Variants in LAMC3 observed in about 807,000 individuals in gnomAD.
LAMC3 encodes laminin subunit gamma-3.
LAMC3 carries 128 observed loss-of-function variants against 173.8 expected under a neutral mutation model. The ratio of observed to expected loss-of-function variants is 0.74; its 90% CI spans 0.64 to 0.85. LAMC3 has a LOEUF of 0.85. Ranked by LOEUF, LAMC3 falls within the 40% of genes least tolerant of loss-of-function variation. The pLI is 0.00. For missense variants in LAMC3, 2,022 were observed against 2,156.0 expected, an observed-to-expected ratio of 0.94 and a Z score of 1.23; for synonymous variants, 897 against 909.1, an observed-to-expected ratio of 0.99 and a Z score of 0.24.
chr9:131,049,432 G>C (rs1162704612), intron 9 of LAMC3, among the ~76,000 whole-genome samples: 1 of 151,982 alleles, frequency 6.6e-6, no homozygotes, highest in Non-Finnish European at 1.5e-5. Flanking sequence ...CCCATCACTG[G>C]CACCAACTCC....
rs887537515 is a variant in LAMC3 at position 131,038,043 on chromosome 9, G to A, written c.977-821G>A. On this transcript the variant is annotated intron_variant, in intron 4 of 27. Coordinates refer to ENST00000361069, the MANE Select transcript of LAMC3 (RefSeq NM_006059.4). ...ATGGCACACCCGCACCAGGCCACGC[G>A]TCTGTCTCTGCATGTGGGGTATCCC... 2.6e-5 allele frequency among the ~76,000 whole-genome samples: 4 copies of A among 152,118 alleles called. No homozygotes were observed. In the East Asian group the frequency reaches 5.8e-4, roughly 22 times the overall value.
In LAMC3 at chr9:131,056,912, C is replaced by T; in HGVS notation, c.1940-17C>T. The T allele has an allele frequency of 6.2e-7, 1 of 1,605,332 alleles. No individual in the cohort carries two copies. Among genetic ancestry groups the T allele is most frequent in the South Asian group, 1.1e-5 (1 of 90,982 alleles). On this transcript the variant is annotated splice_polypyrimidine_tract_variant and intron_variant, in intron 11 of 27. Transcript: ENST00000361069. ...GCTTGTGCCTCCTCTCTTCCTCTCT[C>T]CCTTCTCGCTCTGCAGGTCCAGTGT...
chr9:131,030,545 A>C (rs184129438), intron 2 of LAMC3, among the ~76,000 whole-genome samples: 1 of 152,322 alleles, frequency 6.6e-6, no homozygotes, highest in East Asian at 1.9e-4. Flanking sequence ...TCTGCCATGC[A>C]CTGGCTGTGC....
intron 1 of LAMC3, among the ~76,000 whole-genome samples, chr9:131,018,746 A>G (rs1464529674): frequency 6.6e-6 from 1 of 152,076 alleles, no homozygotes; most frequent in Non-Finnish European, 1.5e-5. Context: ...ACATGCCCCA[A>G]ACTTACTTCT....
chr9:131,023,922 CTT>C (rs1308457680), intron 1 of LAMC3, among the ~76,000 whole-genome samples: 1 of 152,048 alleles, frequency 6.6e-6, no homozygotes, highest in Non-Finnish European at 1.5e-5. Flanking sequence ...GGATAAGTCT[CTT>C]ATCAGATATA....
intron 2 of LAMC3, among the ~76,000 whole-genome samples, chr9:131,030,790 C>T (rs776458023): frequency 6.6e-6 from 1 of 152,230 alleles, no homozygotes; most frequent in Non-Finnish European, 1.5e-5. Context: ...TGCGGGACTT[C>T]CCCACCCCAG....
intron 8 of LAMC3, among the ~76,000 whole-genome samples, chr9:131,046,892 C>G (rs936569378): frequency 5.9e-5 from 9 of 152,252 alleles, no homozygotes; most frequent in African/African-American, 2.2e-4. Flanking sequence ...CGGCCCCAGA[C>G]ATGAGGGCCG....
chr9:131,063,994 A>T (rs1469324322), intron 13 of LAMC3, among the ~76,000 whole-genome samples: 2 of 151,486 alleles, frequency 1.3e-5, no homozygotes, highest in African/African-American at 4.9e-5. Flanking sequence ...TGCAACCTCC[A>T]CCTCCCAGGT....
rs114642408 is a variant in LAMC3 at position 131,055,984 on chromosome 9, C to T, written c.1940-945C>T. Among the ~76,000 whole-genome samples, 1,174 of 151,952 alleles carry T rather than the reference C, an allele frequency of 7.7e-3. 15 individuals are homozygous for T. The highest frequency in any genetic ancestry group is 0.027 in the African/African-American group (1,120 of 41,452). On this transcript the variant is annotated intron_variant, in intron 11 of 27. Transcript: ENST00000361069. ...AGGCTGAGACAGGAGTCCTTGAGGCCAGGAGTTCAAAACCAGCCTGGACAA... is the reference window on the plus strand; with the variant it reads ...AGGCTGAGACAGGAGTCCTTGAGGCTAGGAGTTCAAAACCAGCCTGGACAA...
In LAMC3 at chr9:131,049,915, C is replaced by G. The variant is rs1367887303; in HGVS notation, c.1630+785C>G. Among the ~76,000 whole-genome samples the G allele has an allele frequency of 3.9e-5, 6 of 152,222 alleles. No homozygotes were observed. The East Asian group carries it at 1.2e-3, about 29-fold the overall frequency. On this transcript the variant is annotated intron_variant, in intron 9 of 27. Coordinates refer to ENST00000361069, the MANE Select transcript of LAMC3 (RefSeq NM_006059.4). ...CCAGAACCCAGAGCCTAGAGCCCAT[C>G]TTTAGCCCCACTGTGGCTGATTCAG...
rs1469806562 is a variant in LAMC3 at position 131,029,888 on chromosome 9, A to G, written c.679-2157A>G. On this transcript the variant is annotated intron_variant, in intron 2 of 27. Coordinates refer to ENST00000361069, the MANE Select transcript of LAMC3 (RefSeq NM_006059.4). This position sits in a 1 kb window ranked among gnomAD's most constrained non-coding sequence, Gnocchi z 4.6. ...CTAAAATCAACTCCAGCACCCACTC[A>G]TAGCTTAAGCTGGAGTTCCAGTGCC... Among the ~76,000 whole-genome samples the G allele has an allele frequency of 1.3e-5, 2 of 151,724 alleles. No homozygotes were observed. The highest frequency in any genetic ancestry group is 4.8e-5 in the African/African-American group (2 of 41,238).
In LAMC3 at chr9:131,037,944, G is replaced by A. The variant is rs149450500; in HGVS notation, c.977-920G>A. ...AGCCTCTGACTTCACAACTGCCCCT[G>A]CACTGCAGGCCCCCCACTGCACAAA... On this transcript the variant is annotated intron_variant, in intron 4 of 27. Transcript: ENST00000361069. Among the ~76,000 whole-genome samples, 624 of 152,334 alleles carry A rather than the reference G, an allele frequency of 4.1e-3. 3 individuals are homozygous for A. The highest frequency in any genetic ancestry group is 6.0e-3 in the Non-Finnish European group (407 of 68,030).
At chr9:131,045,405 T>C in intron 7 of LAMC3, 119 bp from the exon 8 acceptor site, 1 of 1,165,876 alleles carries the variant, frequency 8.6e-7, no homozygotes, top group Non-Finnish European at 1.3e-6. Context: ...TGAAAAAAAA[T>C]TGTTTTTAAG....
chr9:131,035,012 A>G (rs1833916152), intron 3 of LAMC3, among the ~76,000 whole-genome samples: 1 of 152,164 alleles, frequency 6.6e-6, no homozygotes, highest in South Asian at 2.1e-4. Context: ...GTGCAATGGC[A>G]CGATCTCGGC....
chr9:131,013,559 T>G (rs1056818981), intron 1 of LAMC3, among the ~76,000 whole-genome samples: 4 of 152,174 alleles, frequency 2.6e-5, no homozygotes, highest in African/African-American at 9.7e-5. Flanking sequence ...GTGCGGCCCC[T>G]GTCCTGAGGG....
intron 1 of LAMC3, among the ~76,000 whole-genome samples, chr9:131,023,619 C>G (rs957940328): frequency 6.6e-6 from 1 of 151,866 alleles, no homozygotes; most frequent in African/African-American, 2.4e-5. Context: ...TTTGTTTTTT[C>G]TTTTTTGAGA....
intron 2 of LAMC3, among the ~76,000 whole-genome samples, chr9:131,028,410 C>T (rs1833766950): frequency 6.6e-6 from 1 of 152,208 alleles, no homozygotes; most frequent in Non-Finnish European, 1.5e-5. Flanking sequence ...TTCAGAGCGT[C>T]TCCTTTGCCC....
intron 22 of LAMC3, among the ~76,000 whole-genome samples, chr9:131,077,865 T>C (rs999870017): frequency 1.3e-5 from 2 of 152,056 alleles, no homozygotes; most frequent in Non-Finnish European, 2.9e-5. Context: ...TCTCTGTTGA[T>C]AATGTTAAGG....
intron 1 of LAMC3, among the ~76,000 whole-genome samples, chr9:131,010,962 A>G (rs534736837): frequency 6.6e-6 from 1 of 152,300 alleles, no homozygotes; most frequent in East Asian, 1.9e-4. Context: ...CTGCCCTTTC[A>G]GGAGGGGCTG....
Sources: allele counts gnomAD v4.1 joint callset (sites outside exome capture counted in the v4.1 genomes callset), GRCh38; gene constraint gnomAD v4.1.1; non-coding constraint Gnocchi (gnomAD v3.1); transcripts MANE v1.5; gene names NCBI Gene and HGNC (gene_info 2026-07-23, HGNC 2026-07-21).